COL11A1: variants seen among roughly 807,000 people sequenced by gnomAD.
COL11A1 encodes collagen alpha-1(XI) chain.
COL11A1 carries 74 observed loss-of-function variants against 265.2 expected under a neutral mutation model. The observed-to-expected ratio is 0.28, with a 90% CI of 0.23 to 0.34. The LOEUF is 0.34. COL11A1 is among the 10% of genes least tolerant of loss of function. The pLI, the probability that COL11A1 is intolerant of heterozygous loss-of-function variation, is 1.00. For missense variants in COL11A1, 2,165 were observed against 2,263.6 expected, an observed-to-expected ratio of 0.96 and a Z score of 0.88; for synonymous variants, 816 against 727.6, an observed-to-expected ratio of 1.12 and a Z score of -1.96.
chr1:103,018,885 T>C lies in COL11A1; in HGVS notation c.1309-26A>G, dbSNP rs200467859. 105 of 1,603,470 alleles carry C rather than the reference T, an allele frequency of 6.5e-5. No individual in the cohort carries two copies. In the African/African-American group the frequency reaches 1.2e-3, roughly 19 times the overall value. On this transcript the variant is annotated intron_variant, in intron 9 of 66. Coordinates refer to ENST00000370096, the MANE Select transcript of COL11A1 (RefSeq NM_001854.4). Reference sequence around the variant, plus strand: ...CTATAACAGGAAAAGAGAACATCTCTACCAGGGAAATATAACCCCCAACCT... The same window carrying C: ...CTATAACAGGAAAAGAGAACATCTCCACCAGGGAAATATAACCCCCAACCT...
At position 102,987,433 on chromosome 1, in the gene COL11A1, C is replaced by T. The variant is rs561611337; in HGVS notation, c.2502+200G>A. ...AGAAAATTTAAGGTGTCACTAAATA[C>T]TTTCTGGAGGCAAATTTTAATGTTG... On this transcript the variant is annotated intron_variant, in intron 30 of 66. Transcript: ENST00000370096. Among the ~76,000 whole-genome samples, 120 of 150,554 alleles carry T rather than the reference C, an allele frequency of 8.0e-4. No individual in the cohort carries two copies. The Middle Eastern group carries it at 0.014, about 17-fold the overall frequency.
rs930871982 is a variant in COL11A1, at chr1:103,095,967, G to A, written c.106+12106C>T. On this transcript the variant is annotated intron_variant, in intron 1 of 66. Transcript: ENST00000370096. ...AAGAGCTGTGGTCAGAGAAGTAAAAGTGAGGATACACTGATAACAAGCTGT... is the reference window on the plus strand; with the variant it reads ...AAGAGCTGTGGTCAGAGAAGTAAAAATGAGGATACACTGATAACAAGCTGT... 4.6e-5 allele frequency among the ~76,000 whole-genome samples: 7 copies of A among 152,186 alleles called. 1 individual carries two copies. The Middle Eastern group carries it at 0.024, about 518-fold the overall frequency.
intron 32 of COL11A1, 125 bp from the exon 33 acceptor site, chr1:102,979,229 A>T (rs1662802427): frequency 7.9e-7 from 1 of 1,258,722 alleles, no homozygotes; most frequent in Admixed American, 1.8e-5. Flanking sequence ...ATTTAGAGAC[A>T]GACTTGCTAT....
chr1:102,883,553 A>G (rs1481196116), intron 63 of COL11A1, among the ~76,000 whole-genome samples: 1 of 152,142 alleles, frequency 6.6e-6, no homozygotes. Context: ...TAAAATTCTT[A>G]GCATGCCTAT....
intron 42 of COL11A1, among the ~76,000 whole-genome samples, chr1:102,943,148 A>G (rs1163851790): frequency 6.6e-6 from 1 of 152,088 alleles, no homozygotes; most frequent in African/African-American, 2.4e-5. Flanking sequence ...AATAATAATA[A>G]TGAGGCAACG....
At chr1:103,076,808 G>T (rs1179508910) in intron 3 of COL11A1, among the ~76,000 whole-genome samples, 2 of 152,044 alleles carry the variant, frequency 1.3e-5, no homozygotes, top group Non-Finnish European at 2.9e-5. Flanking sequence ...ACTTCACCTG[G>T]GTTGTTCATT....
intron 9 of COL11A1, among the ~76,000 whole-genome samples, chr1:103,019,589 CTT>C (rs68133011): frequency 1.3e-5 from 2 of 151,656 alleles, no homozygotes; most frequent in South Asian, 2.1e-4. Context: ...CTTTTTATTC[CTT>C]TTTTTTATTA....
At chr1:102,968,086 A>T (rs1038236148) in intron 37 of COL11A1, among the ~76,000 whole-genome samples, 4 of 152,186 alleles carry the variant, frequency 2.6e-5, no homozygotes, top group African/African-American at 9.6e-5. Context: ...GATCTTGGGG[A>T]TCTTACAAAC....
intron 13 of COL11A1, 79 bp downstream of exon 13, chr1:103,014,432 G>A (rs1240696849): frequency 5.0e-5 from 56 of 1,122,028 alleles, no homozygotes; most frequent in Non-Finnish European, 6.9e-5. Flanking sequence ...AATAATGGTA[G>A]CATCTTCCGT....
At chr1:102,986,877 T>C (rs779516751) in intron 30 of COL11A1, among the ~76,000 whole-genome samples, 1 of 152,200 alleles carries the variant, frequency 6.6e-6, no homozygotes, top group Non-Finnish European at 1.5e-5. Context: ...TTAAAACATA[T>C]TGATATTGTG....
Position 103,014,498 on chromosome 1 carries a change from T to A in COL11A1, c.1572+13A>T, listed in dbSNP as rs1215755446. ...CAGTCATCTTGTGGGAATGCAAGTTTATCCTGTCTTACCCGAGCCTGCTGA... is the reference window on the plus strand; with the variant it reads ...CAGTCATCTTGTGGGAATGCAAGTTAATCCTGTCTTACCCGAGCCTGCTGA... On this transcript the variant is annotated intron_variant, in intron 13 of 66. Transcript: ENST00000370096. 1 of 1,612,216 alleles carries A rather than the reference T, an allele frequency of 6.2e-7. No individual in the cohort carries two copies. Among genetic ancestry groups the A allele is most frequent in the Admixed American group, 1.7e-5 (1 of 59,974 alleles).
chr1:103,032,350 C>A (rs1396494270), intron 4 of COL11A1, among the ~76,000 whole-genome samples: 2 of 152,066 alleles, frequency 1.3e-5, no homozygotes, highest in Non-Finnish European at 2.9e-5. Context: ...GGAAATAATT[C>A]ATTCTACATT....
chr1:103,074,397 C>T (rs1671811298), intron 4 of COL11A1, among the ~76,000 whole-genome samples: 1 of 152,088 alleles, frequency 6.6e-6, no homozygotes, highest in Non-Finnish European at 1.5e-5. Context: ...CAACCAATCC[C>T]TGTAAATGTT....
chr1:102,878,503 T>TATATATA (rs1553191037), intron 66 of COL11A1, among the ~76,000 whole-genome samples: 33 of 127,364 alleles, frequency 2.6e-4, no homozygotes, highest in Admixed American at 3.2e-4. Flanking sequence ...TATATATATA[T>TATATATA]TCTTTTTCTT....
chr1:103,070,195 A>C (rs1671467962), intron 4 of COL11A1, among the ~76,000 whole-genome samples: 1 of 127,048 alleles, frequency 7.9e-6, no homozygotes, highest in Non-Finnish European at 1.7e-5. Flanking sequence ...TATGTGTTAA[A>C]ATCCTACTCA....
rs375756050 is a variant in COL11A1, at chr1:103,014,494, A to C, written c.1572+17T>G. On this transcript the variant is annotated intron_variant, in intron 13 of 66. Coordinates refer to ENST00000370096, the MANE Select transcript of COL11A1 (RefSeq NM_001854.4). Reference sequence around the variant, plus strand: ...GAGTCAGTCATCTTGTGGGAATGCAAGTTTATCCTGTCTTACCCGAGCCTG... The same window carrying C: ...GAGTCAGTCATCTTGTGGGAATGCACGTTTATCCTGTCTTACCCGAGCCTG... The C allele has an allele frequency of 6.2e-7, 1 of 1,610,170 alleles. No homozygotes were observed. The highest frequency in any genetic ancestry group is 8.5e-7 in the Non-Finnish European group (1 of 1,176,714).
intron 41 of COL11A1, among the ~76,000 whole-genome samples, chr1:102,948,915 G>C (rs1006069121): frequency 2.0e-5 from 3 of 151,910 alleles, no homozygotes; most frequent in African/African-American, 4.8e-5. Context: ...GCAACCCTAA[G>C]AGTAAAAAGA....
At chr1:102,965,182 T>C (rs1351457183) in intron 38 of COL11A1, among the ~76,000 whole-genome samples, 1 of 152,184 alleles carries the variant, frequency 6.6e-6, no homozygotes, top group African/African-American at 2.4e-5. Context: ...GAACTTTGTA[T>C]TTTTATTAGT....
intron 31 of COL11A1, among the ~76,000 whole-genome samples, chr1:102,982,378 A>C (rs1008563234): frequency 6.6e-6 from 1 of 152,058 alleles, no homozygotes; most frequent in Admixed American, 6.6e-5. Flanking sequence ...TTTTAAATCA[A>C]AACAAAACAA....
Sources: allele counts gnomAD v4.1 joint callset (sites outside exome capture counted in the v4.1 genomes callset), GRCh38; gene constraint gnomAD v4.1.1; transcripts MANE v1.5; gene names NCBI Gene and HGNC (gene_info 2026-07-23, HGNC 2026-07-21).